The following KRT2 variants were observed in gnomAD, a reference collection of about 807,000 sequenced individuals.
The protein encoded by KRT2 is keratin 2.
Under a neutral mutation model 48.5 loss-of-function variants are expected in KRT2, and 37 were observed. The observed-to-expected ratio is 0.76, with a 90% confidence interval of 0.59 to 1.00. The LOEUF is 1.00. Ranked by LOEUF, KRT2 falls within the 50% of genes least tolerant of loss-of-function variation. The pLI, the probability that KRT2 is intolerant of heterozygous loss-of-function variation, is 0.00. For missense variants in KRT2, 880 were observed against 815.2 expected (o/e 1.08, Z -0.97); for synonymous variants, 324 against 312.2 (o/e 1.04, Z -0.40).
Position 52,650,413 on chromosome 12 carries a change from C to A in KRT2, c.726G>T (p.Gly242=). Residue 242 remains glycine, a synonymous_variant, in exon 2 of 9, where the codon GGG becomes GGT. Coordinates refer to ENST00000309680, the MANE Select transcript of KRT2 (RefSeq NM_000423.3). ...YIDSLKRYLD[G]LTAERTSQNS... ...TCTGTGATGTTCTTTCTGCAGTGAG[C>A]CCATCCAGATATCTCTTGAGGCTGT... 6.2e-7 allele frequency: 1 copy of A among 1,614,178 alleles called. No homozygotes were observed. Among genetic ancestry groups the A allele is most frequent in the Non-Finnish European group, 8.5e-7 (1 of 1,179,988 alleles).
At position 52,651,676 on chromosome 12, in the gene KRT2, T is replaced by C; in HGVS notation, c.467A>G (p.Asn156Ser). The C allele has an allele frequency of 6.2e-7, 1 of 1,614,046 alleles. No homozygotes were observed. Among genetic ancestry groups the C allele is most frequent in the South Asian group, 1.1e-5 (1 of 91,060 alleles). The change falls in exon 1 of 9, where the codon AAC (asparagine) becomes AGC (serine). Residue 156 changes from asparagine to serine, a missense_variant. Coordinates refer to ENST00000309680, the MANE Select transcript of KRT2 (RefSeq NM_000423.3). ...GTTGAGAGGCTGCAGGAGGCTCTGG[T>C]TGACAGAGACTTCGTGGATGCCACC... ...YPGGIHEVSV[N>S]QSLLQPLNVK... is the part of the protein sequence containing the mutation.
chr12:52,648,149 T>C, intron 5 of KRT2, 24 bp downstream of exon 5: 1 of 1,613,456 alleles, frequency 6.2e-7, no homozygotes. Flanking sequence ...GAGCTGTGGC[T>C]CTTCCTACAT....
chr12:52,646,090 C>T (rs1348790751), intron 7 of KRT2, among the ~76,000 whole-genome samples: 1 of 152,228 alleles, frequency 6.6e-6, no homozygotes, highest in Non-Finnish European at 1.5e-5. Context: ...AGGGACAGAG[C>T]AACCTCCTGA....
At position 52,648,258 on chromosome 12, in the gene KRT2, T is replaced by TCCAA; in HGVS notation, c.1033_1036dup (p.Asp346ValfsTer3). Reference sequence around the variant, plus strand: ...GGCCTTGACCTCGGCGATGATGCTATCCAAGTCCAGGTTGCGGCTGTTGTC... The same window carrying TCCAA: ...GGCCTTGACCTCGGCGATGATGCTATCCAACCAAGTCCAGGTTGCGGCTGTTGTC... On this transcript the variant is annotated frameshift_variant, in exon 5 of 9. Transcript: ENST00000309680. LOFTEE classifies it high-confidence loss of function. 6.2e-7 allele frequency: 1 copy of TCCAA among 1,614,144 alleles called. No homozygotes were observed. Among genetic ancestry groups the TCCAA allele is most frequent in the Non-Finnish European group, 8.5e-7 (1 of 1,179,996 alleles).
In KRT2 at chr12:52,651,937, G is replaced by C; in HGVS notation, c.206C>G (p.Thr69Ser). The change falls in exon 1 of 9, where the codon ACC (threonine) becomes AGC (serine). Residue 69 changes from threonine to serine, a missense_variant. By Grantham distance (58) the Thr-to-Ser change is moderately conservative. Coordinates refer to ENST00000309680, the MANE Select transcript of KRT2 (RefSeq NM_000423.3). The stretch of plus-strand genomic sequence containing the variant: ...AGCCACACTAATGGAGATGCTCTTG[G>C]TCCCTCCAAGGCCAACAAGACTCCG... Reference protein sequence around the residue: ...GSRSLVGLGGTKSISISVAGG... With the variant: ...GSRSLVGLGGSKSISISVAGG... 14 of 1,613,846 alleles carry C rather than the reference G, an allele frequency of 8.7e-6. No homozygotes were observed. Among genetic ancestry groups the C allele is most frequent in the Non-Finnish European group, 1.2e-5 (14 of 1,179,964 alleles).
chr12:52,650,626 G>A, intron 1 of KRT2, 73 bp from the exon 2 acceptor site: 25 of 1,271,786 alleles, frequency 2.0e-5, no homozygotes, highest in Non-Finnish European at 2.9e-5. Flanking sequence ...CTGGCCAGGG[G>A]CAGCTCAGGT....
At position 52,644,961 on chromosome 12, in the gene KRT2, T is replaced by C. The variant is rs1196343036; in HGVS notation, c.*58A>G. The C allele has an allele frequency of 1.5e-5, 24 of 1,592,942 alleles. No individual in the cohort carries two copies. The highest frequency in any genetic ancestry group is 2.0e-5 in the Non-Finnish European group (23 of 1,161,332). On this transcript the variant is annotated 3_prime_UTR_variant, in exon 9 of 9. Transcript: ENST00000309680. ...AGTTAGAGGTACAGAGACAGGCTTC[T>C]ACATTCTGGAGTGGGAGAGTCTGGG... is the stretch of plus-strand genomic sequence containing the variant.
intron 6 of KRT2, among the ~76,000 whole-genome samples, chr12:52,647,363 A>C (rs539112967): frequency 1.3e-5 from 2 of 152,284 alleles, no homozygotes; most frequent in South Asian, 2.1e-4. Flanking sequence ...CTGCCCCTCT[A>C]TGAAACCAGT....
rs746099234 is a variant in KRT2, at chr12:52,646,952, A to G, written c.1257T>C (p.Asn419=). The change falls in exon 7 of 9, where the codon AAT becomes AAC. Residue 419 remains asparagine, a synonymous_variant. Transcript: ENST00000309680. ...EIAHVKKQCK[N]VQDAIADAEQ... ...CGGCATCTGCGATGGCATCTTGCAC[A>G]TTCTTACACTATGACAGAAGGACAG... is the stretch of plus-strand genomic sequence containing the variant. 1 of 1,613,932 alleles carries G rather than the reference A, an allele frequency of 6.2e-7. No homozygotes were observed. The highest frequency in any genetic ancestry group is 1.1e-5 in the South Asian group (1 of 91,082).
At position 52,646,767 on chromosome 12, in the gene KRT2, CG is replaced by C. The variant is rs756865524; in HGVS notation, c.1441del (p.Arg481AlafsTer19). 1 of 1,614,038 alleles carries C rather than the reference CG, an allele frequency of 6.2e-7. No homozygotes were observed. The highest frequency in any genetic ancestry group is 8.5e-7 in the Non-Finnish European group (1 of 1,179,982). ...GCACTCCTCGCCCTCCAGCAGTTTG[CG>C]GTAGGTGGCGATCTCCACATCTAGG... is the stretch of plus-strand genomic sequence containing the variant. ...LALDVEIATY[R>X]KLLEGEECRM... is the part of the protein sequence containing the mutation. On this transcript the variant is annotated frameshift_variant, in exon 7 of 9. Coordinates refer to ENST00000309680, the MANE Select transcript of KRT2 (RefSeq NM_000423.3). LOFTEE classifies it high-confidence loss of function.
intron 3 of KRT2, 146 bp downstream of exon 3, chr12:52,649,768 T>C: frequency 2.8e-6 from 2 of 715,358 alleles, no homozygotes; most frequent in South Asian, 1.5e-5. Flanking sequence ...ACAATTTTGT[T>C]TGCAAGAGAA....
intron 7 of KRT2, 41 bp from the exon 8 acceptor site, chr12:52,645,610 T>G: frequency 6.2e-7 from 1 of 1,603,998 alleles, no homozygotes; most frequent in Non-Finnish European, 8.5e-7. Flanking sequence ...GTGGAACACT[T>G]AGGTTCTGTA....
intron 3 of KRT2, 139 bp downstream of exon 3, chr12:52,649,775 A>G (rs1250071460): frequency 2.7e-6 from 2 of 732,788 alleles, no homozygotes; most frequent in East Asian, 5.2e-5. Context: ...TGTTTGCAAG[A>G]GAATGTGCCA....
At position 52,645,321 on chromosome 12, in the gene KRT2, CA is replaced by C; in HGVS notation, c.1617del (p.Tyr539Ter). On this transcript the variant is annotated frameshift_variant, in exon 9 of 9. Transcript: ENST00000309680. LOFTEE classifies it low-confidence loss of function (END_TRUNC). ...GGGYSSGSSS[Y>X]GSGGRQSGSR... Reference sequence around the variant, plus strand: ...GAGCCAGACTGTCGGCCTCCAGAGCCATAACTGCTGCTTCCAGAGCTGTATC... The same window carrying C: ...GAGCCAGACTGTCGGCCTCCAGAGCCTAACTGCTGCTTCCAGAGCTGTATC... 6.2e-7 allele frequency: 1 copy of C among 1,614,204 alleles called. No individual in the cohort carries two copies.
chr12:52,648,133 G>T, intron 5 of KRT2, 40 bp downstream of exon 5: 1 of 1,606,514 alleles, frequency 6.2e-7, no homozygotes, highest in Non-Finnish European at 8.5e-7. Context: ...CCCAGCTCAT[G>T]GCAGGGAGCT....
chr12:52,646,694 T>C (rs750634207), intron 7 of KRT2, 46 bp downstream of exon 7: 1 of 1,603,918 alleles, frequency 6.2e-7, no homozygotes, highest in Admixed American at 1.7e-5. Flanking sequence ...CTGGGAGAGA[T>C]GAGAGGAAGG....
Position 52,651,705 on chromosome 12 carries a change from G to C in KRT2, c.438C>G (p.Tyr146Ter). The C allele has an allele frequency of 1.2e-6, 2 of 1,614,020 alleles. No homozygotes were observed. The highest frequency in any genetic ancestry group is 1.7e-6 in the Non-Finnish European group (2 of 1,179,990). ...GGPGGFGPGGYPGGIHEVSVN... is the reference protein window; with the variant it reads ...GGPGGFGPGG ...CAGAGACTTCGTGGATGCCACCAGG[G>C]TATCCTCCAGGCCCAAAGCCACCAG... is the stretch of plus-strand genomic sequence containing the variant. The change falls in exon 1 of 9, where the codon TAC becomes TAG. Residue 146 changes from tyrosine (Y) to a stop codon, truncating the protein, a stop_gained. Coordinates refer to ENST00000309680, the MANE Select transcript of KRT2 (RefSeq NM_000423.3). LOFTEE classifies it high-confidence loss of function.
At position 52,648,349 on chromosome 12, in the gene KRT2, A is replaced by C. The variant is rs370662268; in HGVS notation, c.958-12T>G. 73 of 1,613,398 alleles carry C rather than the reference A, an allele frequency of 4.5e-5. No homozygotes were observed. The African/African-American group carries it at 8.4e-4, about 19-fold the overall frequency. On this transcript the variant is annotated splice_polypyrimidine_tract_variant and intron_variant, in intron 4 of 8. Coordinates refer to ENST00000309680, the MANE Select transcript of KRT2 (RefSeq NM_000423.3). ...ATCTGGGATATCTCCTACAACACAC[A>C]GGAAGGTCTGGTCATGACATCCTGC...
chr12:52,650,150 T>C (rs528616806), intron 2 of KRT2, among the ~76,000 whole-genome samples, 176 bp from the exon 3 acceptor site: 2 of 152,296 alleles, frequency 1.3e-5, no homozygotes, highest in East Asian at 3.9e-4. Context: ...AAACTAACTC[T>C]CAAACATACA....
Sources: allele counts gnomAD v4.1 joint callset (sites outside exome capture counted in the v4.1 genomes callset), GRCh38; gene constraint gnomAD v4.1.1; transcripts MANE v1.5; gene names NCBI Gene and HGNC (gene_info 2026-07-23, HGNC 2026-07-21).